Variants in MAP3K1 observed in about 807,000 individuals in gnomAD.
MAP3K1 encodes the protein mitogen-activated protein kinase kinase kinase 1, also known as MAP/ERK kinase kinase 1.
A neutral mutation model predicts 144.2 loss-of-function variants in MAP3K1; 36 were observed. The observed-to-expected ratio is 0.25, with a 90% confidence interval of 0.19 to 0.33. MAP3K1 has a LOEUF of 0.33. Among genes scored for constraint, MAP3K1 ranks in the 10% least tolerant of loss-of-function variants. The pLI is 1.00. For synonymous variants in MAP3K1, 718 were observed against 688.7 expected (o/e 1.04, Z -0.67); for missense variants, 1,650 against 1,881.9 (o/e 0.88, Z 2.28).
At chr5:56,820,540 C>T (rs1418731176) in intron 1 of MAP3K1, 18 of 985,154 alleles carry the variant, frequency 1.8e-5, no homozygotes, top group Non-Finnish European at 2.2e-5. Context: ...ATTTGGATCA[C>T]CCTATCATGT....
chr5:56,827,200 G>A (rs1746344016), intron 1 of MAP3K1, among the ~76,000 whole-genome samples: 3 of 151,970 alleles, frequency 2.0e-5, no homozygotes, highest in Admixed American at 2.0e-4. Flanking sequence ...GCTGGGACAC[G>A]ATTTCTGGCT....
At chr5:56,865,795 A>G (rs748482210) in intron 5 of MAP3K1, 34 bp from the exon 6 acceptor site, 81 of 1,609,212 alleles carry the variant, frequency 5.0e-5, no homozygotes, top group Non-Finnish European at 6.5e-5. Context: ...ATTATGGCAC[A>G]AATATCATTG....
At chr5:56,845,499 AG>A (rs1410728347) in intron 1 of MAP3K1, among the ~76,000 whole-genome samples, 1 of 152,202 alleles carries the variant, frequency 6.6e-6, no homozygotes, top group African/African-American at 2.4e-5. Context: ...GTAGTAGTGT[AG>A]GAAGTTCCAA....
chr5:56,880,876 T>G, intron 12 of MAP3K1, 74 bp downstream of exon 12: 1 of 1,254,488 alleles, frequency 8.0e-7, no homozygotes, highest in Non-Finnish European at 1.2e-6. Context: ...AATCTCATAA[T>G]CTCTCATGAG....
chr5:56,863,950 G>A lies in MAP3K1; in HGVS notation c.835-784G>A, dbSNP rs576030216. Among the ~76,000 whole-genome samples, 6 of 152,258 alleles carry A rather than the reference G, an allele frequency of 3.9e-5. No individual in the cohort carries two copies. The South Asian group carries it at 1.2e-3, about 32-fold the overall frequency. ...CAGCTTCCACTAATTTGTTTTTATT[G>A]AGGAAGAGTCTGCAGAGTGTATGTT... On this transcript the variant is annotated intron_variant, in intron 3 of 19. Transcript: ENST00000399503.
At chr5:56,829,621 C>T (rs1231369427) in intron 1 of MAP3K1, among the ~76,000 whole-genome samples, 1 of 152,130 alleles carries the variant, frequency 6.6e-6, no homozygotes, top group East Asian at 1.9e-4. Flanking sequence ...TGCTTCTGCC[C>T]CAACCCATGC....
intron 18 of MAP3K1, chr5:56,887,898 T>C (rs539304048): frequency 2.3e-6 from 1 of 438,942 alleles, no homozygotes; most frequent in East Asian, 4.7e-5. Flanking sequence ...GTTTAAGCAT[T>C]GTTCTTCTGA....
At chr5:56,864,969 G>A in intron 4 of MAP3K1, 35 bp downstream of exon 4, 1 of 1,569,968 alleles carries the variant, frequency 6.4e-7, no homozygotes, top group Non-Finnish European at 8.8e-7. Flanking sequence ...TTTATTAGTA[G>A]TAGTATATGG....
Position 56,893,666 on chromosome 5 carries a change from C to G in MAP3K1, c.4525C>G (p.Arg1509Gly), listed in dbSNP as rs769426596. ...SRELLKHPVF[R>G]TTW ...AGAGCTACTGAAGCATCCAGTCTTT[C>G]GTACTACATGGTAGCCAATTATGCA... The change falls in exon 20 of 20, where the codon CGT becomes GGT. Residue 1509 changes from arginine to glycine, a missense_variant. By Grantham distance (125) the Arg-to-Gly change is moderately radical. This residue lies in a region of MAP3K1 where 165 missense variants were observed against 322.9 expected (regional missense o/e 0.51). Transcript: ENST00000399503. 6.2e-7 allele frequency: 1 copy of G among 1,613,876 alleles called. No homozygotes were observed. Among genetic ancestry groups the G allele is most frequent in the Non-Finnish European group, 8.5e-7 (1 of 1,179,822 alleles).
At chr5:56,874,693 G>A (rs1473819513) in intron 9 of MAP3K1, among the ~76,000 whole-genome samples, 1 of 152,072 alleles carries the variant, frequency 6.6e-6, no homozygotes, top group Non-Finnish European at 1.5e-5. Flanking sequence ...TATGAATACA[G>A]AGTTGAGGTT....
At chr5:56,886,815 G>A (rs1036459700) in intron 17 of MAP3K1, among the ~76,000 whole-genome samples, 2 of 152,140 alleles carry the variant, frequency 1.3e-5, no homozygotes, top group African/African-American at 4.8e-5. Flanking sequence ...AGGCTGGAGT[G>A]TAGTGTTGCA....
At chr5:56,827,042 G>A (rs1373253581) in intron 1 of MAP3K1, among the ~76,000 whole-genome samples, 1 of 152,232 alleles carries the variant, frequency 6.6e-6, no homozygotes. Flanking sequence ...GAATGAACCA[G>A]GTGAAAGGAA....
intron 1 of MAP3K1, among the ~76,000 whole-genome samples, chr5:56,829,435 G>T: frequency 6.8e-6 from 1 of 146,458 alleles, no homozygotes; most frequent in Non-Finnish European, 1.5e-5. Context: ...CAGTCCACCC[G>T]CCTTGGCCTC....
intron 1 of MAP3K1, among the ~76,000 whole-genome samples, chr5:56,838,953 C>CA (rs1561170772): frequency 6.6e-6 from 1 of 151,998 alleles, no homozygotes; most frequent in Admixed American, 6.5e-5. Flanking sequence ...TGAACTATTC[C>CA]AAAAAATAAT....
In MAP3K1 at chr5:56,882,393, C is replaced by G; in HGVS notation, c.3193C>G (p.Pro1065Ala). 6.2e-7 allele frequency: 1 copy of G among 1,614,106 alleles called. No homozygotes were observed. The highest frequency in any genetic ancestry group is 8.5e-7 in the Non-Finnish European group (1 of 1,179,986). ...SNIHRPKPSRPTPGNTSKQGD... is the reference protein window; with the variant it reads ...SNIHRPKPSRATPGNTSKQGD... ...CATACACAGGCCAAAGCCATCTAGA[C>G]CTACCCCAGGTAATACAAGTAAACA... The change falls in exon 14 of 20, where the codon CCT (proline) becomes GCT (alanine). Residue 1065 changes from proline to alanine, a missense_variant. Physicochemically the swap from Pro to Ala is conservative, Grantham distance 27 (BLOSUM62 -1). Transcript: ENST00000399503.
chr5:56,850,899 A>G (rs1364042999), intron 1 of MAP3K1, among the ~76,000 whole-genome samples: 1 of 152,326 alleles, frequency 6.6e-6, no homozygotes, highest in East Asian at 1.9e-4. Flanking sequence ...AGGATGAGCC[A>G]TTTAATAAAT....
chr5:56,864,655 G>A, intron 3 of MAP3K1, 79 bp from the exon 4 acceptor site: 1 of 1,499,700 alleles, frequency 6.7e-7, no homozygotes, highest in Non-Finnish European at 9.3e-7. Flanking sequence ...TTACAGGCGT[G>A]AGCCACCATG....
intron 5 of MAP3K1, 53 bp from the exon 6 acceptor site, chr5:56,865,776 A>G: frequency 1.9e-6 from 3 of 1,571,730 alleles, no homozygotes; most frequent in Non-Finnish European, 1.8e-6. Context: ...AGAACTCTTC[A>G]TATGTATAAT....
chr5:56,855,541 C>T (rs923995745), intron 1 of MAP3K1, among the ~76,000 whole-genome samples: 15 of 152,234 alleles, frequency 9.9e-5, no homozygotes, highest in African/African-American at 3.4e-4. Context: ...TAACCGTTTC[C>T]TTTCTAGTGA....
Sources: gnomAD v4.1 joint callset for allele counts (sites outside exome capture counted in the v4.1 genomes callset) on GRCh38, gnomAD v4.1.1 for gene constraint, gnomAD v4.1.1 regional missense constraint, MANE v1.5 for transcripts, NCBI Gene and HGNC (gene_info 2026-07-23, HGNC 2026-07-21) for gene names.